Variants in DIS3L2 observed in about 807,000 individuals in gnomAD.
DIS3L2 encodes DIS3-like exonuclease 2.
Under a neutral mutation model 97.5 loss-of-function variants are expected in DIS3L2, and 34 were observed. The ratio of observed to expected loss-of-function variants is 0.35; its 90% CI spans 0.27 to 0.46. The LOEUF (loss-of-function observed/expected upper bound fraction) is 0.46. DIS3L2 is among the 20% of genes least tolerant of loss of function. The pLI is 1.00. For synonymous variants in DIS3L2, 435 were observed against 445.2 expected (o/e 0.98, Z 0.29); for missense variants, 1,038 against 1,146.0 (o/e 0.91, Z 1.36).
At chr2:232,088,556 C>T (rs950728541) in intron 6 of DIS3L2, among the ~76,000 whole-genome samples, 9 of 149,322 alleles carry the variant, frequency 6.0e-5, no homozygotes, top group Non-Finnish European at 8.9e-5. Flanking sequence ...AGTGAGACTC[C>T]GTCTCAAAAA....
At chr2:232,088,106 A>G (rs1696720510) in intron 6 of DIS3L2, among the ~76,000 whole-genome samples, 1 of 152,202 alleles carries the variant, frequency 6.6e-6, no homozygotes, top group Non-Finnish European at 1.5e-5. Flanking sequence ...TATCTTTTAG[A>G]AGTATTTTTG....
chr2:232,289,534 A>C (rs1357306377), intron 13 of DIS3L2, among the ~76,000 whole-genome samples: 1 of 152,196 alleles, frequency 6.6e-6, no homozygotes, highest in East Asian at 1.9e-4. Flanking sequence ...TGGCCTCCCA[A>C]AGTGATGGGA....
chr2:232,162,739 G>A (rs1464071378), intron 8 of DIS3L2, among the ~76,000 whole-genome samples: 1 of 152,120 alleles, frequency 6.6e-6, no homozygotes, highest in Non-Finnish European at 1.5e-5. Flanking sequence ...TGTATTCAAC[G>A]CACAAATTTA....
At chr2:232,106,531 G>A (rs1697361944) in intron 6 of DIS3L2, among the ~76,000 whole-genome samples, 2 of 152,134 alleles carry the variant, frequency 1.3e-5, no homozygotes, top group African/African-American at 4.8e-5. Flanking sequence ...AATGGTAAAG[G>A]GTTCAATTCA....
intron 13 of DIS3L2, among the ~76,000 whole-genome samples, chr2:232,277,726 T>C (rs544317526): frequency 6.6e-6 from 1 of 152,306 alleles, no homozygotes; most frequent in South Asian, 2.1e-4. Context: ...CAGAGAAATA[T>C]GTCGTTAAGT....
At chr2:232,019,363 GC>G (rs1694447543) in intron 3 of DIS3L2, among the ~76,000 whole-genome samples, 1 of 152,074 alleles carries the variant, frequency 6.6e-6, no homozygotes, top group East Asian at 1.9e-4. Context: ...ACCAGCCTGG[GC>G]AACATAGTGA....
At chr2:232,012,790 T>C (rs750973809) in intron 1 of DIS3L2, among the ~76,000 whole-genome samples, 5 of 152,140 alleles carry the variant, frequency 3.3e-5, no homozygotes, top group Non-Finnish European at 7.4e-5. Context: ...GCCTTCACAA[T>C]GATGTCACGG....
rs1693909694 is a variant in DIS3L2, at chr2:232,268,687, T to C, written c.1659+5247T>C. ...AGCCATTTAAAAATGCATAAACCAG[T>C]CTTAGCTCATGGGTCATACAAAAGC... On this transcript the variant is annotated intron_variant, in intron 13 of 20. Transcript: ENST00000325385. The surrounding 1 kb of genome is among the most constrained non-coding windows in gnomAD (Gnocchi z 4.1). 6.6e-6 allele frequency among the ~76,000 whole-genome samples: 1 copy of C among 152,224 alleles called. No individual in the cohort carries two copies. Among genetic ancestry groups the C allele is most frequent in the African/African-American group, 2.4e-5 (1 of 41,462 alleles).
chr2:232,200,026 A>G (rs925134513), intron 9 of DIS3L2, among the ~76,000 whole-genome samples: 3 of 152,246 alleles, frequency 2.0e-5, no homozygotes, highest in African/African-American at 7.2e-5. Flanking sequence ...GTATATTCTA[A>G]GGATAAACCA....
intron 12 of DIS3L2, among the ~76,000 whole-genome samples, chr2:232,262,416 C>T (rs543110464): frequency 6.6e-6 from 1 of 152,334 alleles, no homozygotes; most frequent in African/African-American, 2.4e-5. Flanking sequence ...AATCCCACCG[C>T]TCGGCTGGCA....
At chr2:232,306,726 G>A (rs987216621) in intron 14 of DIS3L2, among the ~76,000 whole-genome samples, 2 of 152,142 alleles carry the variant, frequency 1.3e-5, no homozygotes, top group Non-Finnish European at 2.9e-5. Flanking sequence ...CTGAATAAAC[G>A]CTGATGCTGC....
At chr2:232,027,933 A>T (rs1694704920) in intron 4 of DIS3L2, among the ~76,000 whole-genome samples, 1 of 152,212 alleles carries the variant, frequency 6.6e-6, no homozygotes, top group Admixed American at 6.5e-5. Context: ...GAGAAAATTG[A>T]TCAGATGGAA....
chr2:232,318,914 G>C (rs557541494), intron 14 of DIS3L2, among the ~76,000 whole-genome samples: 25 of 152,326 alleles, frequency 1.6e-4, no homozygotes, highest in Non-Finnish European at 2.6e-4. Context: ...CCTCCCCACC[G>C]TCTCTCCCTG....
At chr2:232,262,378 T>C (rs557439670) in intron 12 of DIS3L2, among the ~76,000 whole-genome samples, 2 of 152,308 alleles carry the variant, frequency 1.3e-5, no homozygotes, top group East Asian at 3.9e-4. Context: ...TACAGAAAAG[T>C]GAAAATAATA....
chr2:232,155,638 T>C (rs1409420741), intron 8 of DIS3L2, among the ~76,000 whole-genome samples: 1 of 152,164 alleles, frequency 6.6e-6, no homozygotes, highest in African/African-American at 2.4e-5. Context: ...TTTTCTTTTC[T>C]TCATCTCTAG....
intron 14 of DIS3L2, among the ~76,000 whole-genome samples, chr2:232,302,855 C>T (rs886979353): frequency 2.5e-4 from 38 of 152,052 alleles, no homozygotes; most frequent in African/African-American, 8.7e-4. Flanking sequence ...CCACCACGCC[C>T]GGCCTGAGCC....
At chr2:232,262,942 G>T (rs1249140456) in intron 12 of DIS3L2, among the ~76,000 whole-genome samples, 1 of 152,150 alleles carries the variant, frequency 6.6e-6, no homozygotes, top group African/African-American at 2.4e-5. Context: ...TGCCTTGCCT[G>T]TGCCACTGGT....
In DIS3L2 at chr2:232,147,950, C is replaced by T. The variant is rs990789024; in HGVS notation, c.950+11231C>T. Among the ~76,000 whole-genome samples, 81 of 132,612 alleles carry T rather than the reference C, an allele frequency of 6.1e-4. 1 individual carries two copies. The highest frequency in any genetic ancestry group is 1.0e-3 in the Non-Finnish European group (65 of 62,044). The allele number at this position is 132,612 out of a possible 152,430, so 87.0% of individuals were successfully genotyped here. A position where few individuals can be genotyped will look rare whatever the true frequency, so the allele number is the denominator to read the frequency against. ...TCTCTTCTCTTCCCTTCCCTTCCCTCCCCTCCCTTTCCTCCCCTCCCCTCC... is the reference window on the plus strand; with the variant it reads ...TCTCTTCTCTTCCCTTCCCTTCCCTTCCCTCCCTTTCCTCCCCTCCCCTCC... On this transcript the variant is annotated intron_variant, in intron 8 of 20. Coordinates refer to ENST00000325385, the MANE Select transcript of DIS3L2 (RefSeq NM_152383.5).
At chr2:232,063,846 G>C (rs1050946668) in intron 5 of DIS3L2, among the ~76,000 whole-genome samples, 2 of 152,038 alleles carry the variant, frequency 1.3e-5, no homozygotes, top group Non-Finnish European at 2.9e-5. Flanking sequence ...CTGTAAGTGG[G>C]AGTAATTTGA....
Sources: gnomAD v4.1 joint callset for allele counts (sites outside exome capture counted in the v4.1 genomes callset) on GRCh38, gnomAD v4.1.1 for gene constraint, Gnocchi (gnomAD v3.1) non-coding constraint, MANE v1.5 for transcripts, NCBI Gene and HGNC (gene_info 2026-07-23, HGNC 2026-07-21) for gene names.